The following CCDC171 variants were observed in gnomAD, a reference collection of about 807,000 sequenced individuals.
CCDC171 encodes coiled-coil domain-containing protein 171.
In CCDC171, 177 loss-of-function variants were observed where a neutral mutation model predicts 168.2. That is an observed-to-expected ratio of 1.05 (90% CI 0.93 to 1.19). The LOEUF is 1.19. CCDC171 is among the 50% of genes most tolerant of loss of function. The pLI is 0.00. For synonymous variants in CCDC171, 687 were observed against 540.8 expected (o/e 1.27, Z -3.75); for missense variants, 1,991 against 1,539.0 (o/e 1.29, Z -4.91).
chr9:15,656,448 G>A (rs2047944070), intron 7 of CCDC171, among the ~76,000 whole-genome samples: 1 of 152,160 alleles, frequency 6.6e-6, no homozygotes, highest in Non-Finnish European at 1.5e-5. Flanking sequence ...GCTCATAGCA[G>A]CTTTATTTGT....
intron 10 of CCDC171, among the ~76,000 whole-genome samples, chr9:15,692,531 T>A (rs1367660712): frequency 2.2e-5 from 3 of 136,466 alleles, no homozygotes; most frequent in Non-Finnish European, 4.8e-5. Flanking sequence ...TCATTACTAC[T>A]TTTTTTTTTT....
At chr9:15,946,289 A>G (rs1828371061) in intron 25 of CCDC171, among the ~76,000 whole-genome samples, 8 of 151,792 alleles carry the variant, frequency 5.3e-5, no homozygotes. Flanking sequence ...TGTAGCCAAA[A>G]TCTCCTTAAG....
the CCDC171 span, among the ~76,000 whole-genome samples, chr9:16,105,258 A>G: frequency 2.0e-5 from 3 of 152,228 alleles, no homozygotes; most frequent in Admixed American, 2.0e-4. Context: ...GACATTTAAT[A>G]TCTGAGGGCG....
rs1006717341 is a variant in CCDC171 at position 15,815,818 on chromosome 9, C to A, written c.3268-30884C>A. Among the ~76,000 whole-genome samples, 5 of 116,944 alleles carry A rather than the reference C, an allele frequency of 4.3e-5. 2 individuals are homozygous for A. The highest frequency in any genetic ancestry group is 9.6e-5 in the Non-Finnish European group (5 of 52,088). 76.7% of individuals were successfully genotyped at this position (116,944 alleles called of 152,430 possible). A position where few individuals can be genotyped will look rare whatever the true frequency, so the allele number is the denominator to read the frequency against. ...TCATTACTTAATTTAAAAGTCTTATCACTTTTTACTTTAATCCCATATATT... is the reference window on the plus strand; with the variant it reads ...TCATTACTTAATTTAAAAGTCTTATAACTTTTTACTTTAATCCCATATATT... On this transcript the variant is annotated intron_variant, in intron 21 of 25. Coordinates refer to ENST00000380701, the MANE Select transcript of CCDC171 (RefSeq NM_173550.4).
At chr9:15,669,586 A>G (rs1007773265) in intron 9 of CCDC171, among the ~76,000 whole-genome samples, 1 of 152,098 alleles carries the variant, frequency 6.6e-6, no homozygotes, top group East Asian at 1.9e-4. Flanking sequence ...ATCTAACTGT[A>G]TTTTTGTACC....
the CCDC171 span, among the ~76,000 whole-genome samples, chr9:16,099,549 A>G: frequency 6.6e-6 from 1 of 152,232 alleles, no homozygotes; most frequent in Admixed American, 6.5e-5. Context: ...CATAAGAAAA[A>G]TGCCATGAGC....
rs1274928390 is a variant in CCDC171, at chr9:16,051,205, G to A, written n.89+8319G>A. Among the ~76,000 whole-genome samples the A allele has an allele frequency of 2.6e-5, 4 of 152,272 alleles. No individual in the cohort carries two copies. The East Asian group carries it at 5.8e-4, about 22-fold the overall frequency. On this transcript the variant is annotated intron_variant and non_coding_transcript_variant, in intron 1 of 1. Transcript: ENST00000478913. ...TTTCAGGATTTCAACATTCAGGATT[G>A]TGTCTTTGGGGATGATAGCCCAAGC...
intron 23 of CCDC171, among the ~76,000 whole-genome samples, chr9:15,849,569 A>G (rs1266271720): frequency 1.3e-5 from 2 of 151,644 alleles, no homozygotes; most frequent in Non-Finnish European, 3.0e-5. Flanking sequence ...ATATTTATTG[A>G]CCATGTATTT....
At chr9:15,898,177 G>A (rs906152869) in intron 24 of CCDC171, among the ~76,000 whole-genome samples, 2 of 152,186 alleles carry the variant, frequency 1.3e-5, no homozygotes, top group Admixed American at 6.5e-5. Flanking sequence ...GAACTACAGA[G>A]GAAGCTGGAA....
intron 21 of CCDC171, among the ~76,000 whole-genome samples, chr9:15,819,142 C>T (rs1402815417): frequency 8.5e-6 from 1 of 117,280 alleles, no homozygotes; most frequent in African/African-American, 3.2e-5. Context: ...CAAGCAAATG[C>T]TGAGAGATTT....
At chr9:15,793,894 C>G (rs1204896614) in intron 21 of CCDC171, among the ~76,000 whole-genome samples, 1 of 151,952 alleles carries the variant, frequency 6.6e-6, no homozygotes, top group East Asian at 1.9e-4. Flanking sequence ...AATATTTTAT[C>G]TATACTCTCT....
At chr9:15,569,638 AC>A (rs2040040642) in intron 2 of CCDC171, among the ~76,000 whole-genome samples, 1 of 150,468 alleles carries the variant, frequency 6.6e-6, no homozygotes, top group African/African-American at 2.4e-5. Flanking sequence ...ACACGGTGAA[AC>A]CCCGTCTCTA....
intron 21 of CCDC171, among the ~76,000 whole-genome samples, chr9:15,827,853 T>A (rs186309111): frequency 6.6e-6 from 1 of 152,196 alleles, no homozygotes; most frequent in African/African-American, 2.4e-5. Context: ...TTTGTGTGTC[T>A]GAGCAACTCA....
chr9:15,786,012 C>T (rs2057932978), intron 21 of CCDC171, among the ~76,000 whole-genome samples: 1 of 151,778 alleles, frequency 6.6e-6, no homozygotes, highest in Admixed American at 6.6e-5. Flanking sequence ...CAGGAAAATA[C>T]ACGTGAATTT....
chr9:15,755,928 C>T (rs1259686987), intron 18 of CCDC171, among the ~76,000 whole-genome samples: 2 of 152,188 alleles, frequency 1.3e-5, no homozygotes, highest in South Asian at 2.1e-4. Context: ...GATTTGTATA[C>T]TTTAAATGGG....
chr9:15,943,469 T>C (rs1037743540), intron 25 of CCDC171, among the ~76,000 whole-genome samples: 3 of 151,994 alleles, frequency 2.0e-5, no homozygotes, highest in Non-Finnish European at 4.4e-5. Flanking sequence ...ATTAAACATA[T>C]AATAGCAATG....
At chr9:16,108,169 A>G in the CCDC171 span, among the ~76,000 whole-genome samples, 2 of 152,172 alleles carry the variant, frequency 1.3e-5, no homozygotes, top group African/African-American at 2.4e-5. Context: ...ATTGGAGGCT[A>G]CTTATGGGAG....
intron 3 of CCDC171, among the ~76,000 whole-genome samples, chr9:16,000,809 C>G (rs565475184): frequency 6.6e-6 from 1 of 151,940 alleles, no homozygotes; most frequent in Admixed American, 6.6e-5. Context: ...TCCCCTATTT[C>G]TTTTTCCTGC....
intron 23 of CCDC171, among the ~76,000 whole-genome samples, chr9:15,852,500 A>T (rs116457711): frequency 0.024 from 3,638 of 151,730 alleles, 157 homozygotes; most frequent in African/African-American, 0.083. Flanking sequence ...ATATATATGA[A>T]TTGAAAACAT....
Sources: gnomAD v4.1 joint callset for allele counts (sites outside exome capture counted in the v4.1 genomes callset) on GRCh38, gnomAD v4.1.1 for gene constraint, MANE v1.5 for transcripts, NCBI Gene and HGNC (gene_info 2026-07-23, HGNC 2026-07-21) for gene names.